The following KCNG2 variants were observed in gnomAD, a reference collection of about 807,000 sequenced individuals.
KCNG2 encodes the protein potassium voltage-gated channel modifier subfamily G member 2.
A neutral mutation model predicts 12.3 loss-of-function variants in KCNG2; 7 were observed. The ratio of observed to expected loss-of-function variants is 0.57; its 90% CI spans 0.32 to 1.07. The LOEUF (loss-of-function observed/expected upper bound fraction) is 1.07. Among genes scored for constraint, KCNG2 ranks in the 50% least tolerant of loss-of-function variants. KCNG2 has a pLI of 0.04. For missense variants in KCNG2, 703 were observed against 726.0 expected (o/e 0.97, Z 0.36); for synonymous variants, 414 against 351.4 (o/e 1.18, Z -1.99).
At chr18:79,819,294 C>T (rs2087553763) in intron 1 of KCNG2, among the ~76,000 whole-genome samples, 2 of 152,218 alleles carry the variant, frequency 1.3e-5, no homozygotes, top group Admixed American at 6.5e-5. Flanking sequence ...GCGGGCCAGC[C>T]TCAGCCCAGC....
intron 2 of KCNG2, among the ~76,000 whole-genome samples, chr18:79,863,296 C>CTGAA (rs1339739805): frequency 2.6e-5 from 4 of 152,262 alleles, no homozygotes; most frequent in Non-Finnish European, 5.9e-5. Context: ...GGGGTCCGCC[C>CTGAA]TGAAACATCT....
intron 1 of KCNG2, among the ~76,000 whole-genome samples, chr18:79,799,338 G>A (rs180777870): frequency 1.3e-5 from 2 of 152,238 alleles, no homozygotes; most frequent in African/African-American, 2.4e-5. Flanking sequence ...CGGAAGAGGG[G>A]ACCCTCCTCC....
chr18:79,861,373 G>T lies in KCNG2; in HGVS notation c.-40-2255G>T, dbSNP rs139973400. On this transcript the variant is annotated intron_variant, in intron 2 of 3. Coordinates refer to ENST00000316249, the MANE Select transcript of KCNG2 (RefSeq NM_012283.2). ...GGCTCACTGAAACCTCCGTTCCCAG[G>T]TTCAGGCAATTCTCCCTGCCTCAGC... Among the ~76,000 whole-genome samples, 412 of 146,974 alleles carry T rather than the reference G, an allele frequency of 2.8e-3. 2 individuals carry two copies. Among genetic ancestry groups the T allele is most frequent in the African/African-American group, 9.6e-3 (386 of 40,138 alleles).
intron 3 of KCNG2, among the ~76,000 whole-genome samples, chr18:79,896,541 C>T (rs1323256180): frequency 6.6e-6 from 1 of 152,224 alleles, no homozygotes; most frequent in Non-Finnish European, 1.5e-5. Flanking sequence ...TTGGCAAATA[C>T]ATTGCACATA....
At chr18:79,864,337 G>A in intron 3 of KCNG2, 46 bp downstream of exon 3, 1 of 1,406,034 alleles carries the variant, frequency 7.1e-7, no homozygotes. Context: ...AGCTGGGGCT[G>A]GGCTGGGATC....
At chr18:79,868,637 G>A (rs1055024170) in intron 3 of KCNG2, among the ~76,000 whole-genome samples, 1 of 152,204 alleles carries the variant, frequency 6.6e-6, no homozygotes, top group African/African-American at 2.4e-5. Flanking sequence ...TCCAGCTGGG[G>A]GCTGGTGAAG....
intron 3 of KCNG2, among the ~76,000 whole-genome samples, chr18:79,869,012 G>A (rs759169366): frequency 2.0e-5 from 3 of 152,190 alleles, no homozygotes; most frequent in Non-Finnish European, 2.9e-5. Context: ...CACACGGGTC[G>A]GCTTCCACAG....
chr18:79,860,644 T>C (rs1322159891), intron 2 of KCNG2, among the ~76,000 whole-genome samples: 1 of 149,052 alleles, frequency 6.7e-6, no homozygotes, highest in African/African-American at 2.5e-5. Flanking sequence ...GCAACTTTGC[T>C]GAACCCATTC....
intron 1 of KCNG2, among the ~76,000 whole-genome samples, chr18:79,834,511 AAGAC>A (rs1370692161): frequency 1.3e-5 from 2 of 152,180 alleles, no homozygotes; most frequent in Admixed American, 1.3e-4. Flanking sequence ...GAATGAGAAA[AAGAC>A]AGTTTGAGAG....
At chr18:79,858,883 T>A (rs1370541510) in intron 2 of KCNG2, among the ~76,000 whole-genome samples, 1 of 152,258 alleles carries the variant, frequency 6.6e-6, no homozygotes, top group Non-Finnish European at 1.5e-5. Flanking sequence ...GGGAGAAATA[T>A]CTATTCAGAT....
intron 3 of KCNG2, among the ~76,000 whole-genome samples, chr18:79,879,364 T>C (rs1002245725): frequency 2.0e-5 from 3 of 151,974 alleles, no homozygotes; most frequent in African/African-American, 4.8e-5. Context: ...GTGAGGCACA[T>C]TGGGAAAGAA....
At chr18:79,879,167 C>T (rs963538245) in intron 3 of KCNG2, among the ~76,000 whole-genome samples, 1 of 152,200 alleles carries the variant, frequency 6.6e-6, no homozygotes, top group Non-Finnish European at 1.5e-5. Context: ...CTCCAGCCCC[C>T]ACAGGAGCCA....
At chr18:79,828,556 T>C (rs909147867) in intron 1 of KCNG2, among the ~76,000 whole-genome samples, 1 of 151,414 alleles carries the variant, frequency 6.6e-6, no homozygotes, top group African/African-American at 2.4e-5. Flanking sequence ...TCTGTGTGTC[T>C]ATCTGTGTGC....
Position 79,813,096 on chromosome 18 carries a change from G to A in KCNG2, c.-115+15082G>A, listed in dbSNP as rs543411435. ...CTTGAACCCAGGAGGGGGAGGTTGC[G>A]GTGAGCCGAGATCGCGCCATTGGAA... On this transcript the variant is annotated intron_variant, in intron 1 of 3. Coordinates refer to ENST00000316249, the MANE Select transcript of KCNG2 (RefSeq NM_012283.2). Among the ~76,000 whole-genome samples, 19 of 152,010 alleles carry A rather than the reference G, an allele frequency of 1.2e-4. No homozygotes were observed. In the South Asian group the frequency reaches 2.9e-3, roughly 23 times the overall value.
chr18:79,849,353 C>T (rs561205913), intron 1 of KCNG2, among the ~76,000 whole-genome samples: 81 of 152,356 alleles, frequency 5.3e-4, no homozygotes, highest in Non-Finnish European at 9.7e-4. Context: ...GCCCTCCCAG[C>T]GCTGAGCTTC....
intron 1 of KCNG2, among the ~76,000 whole-genome samples, chr18:79,833,803 G>A (rs1043687277): frequency 6.6e-5 from 10 of 152,258 alleles, no homozygotes; most frequent in Non-Finnish European, 1.5e-4. Flanking sequence ...GAGTTTGTGT[G>A]TGTTCAAGCT....
chr18:79,855,092 C>T (rs1262187559), intron 1 of KCNG2, among the ~76,000 whole-genome samples: 1 of 149,752 alleles, frequency 6.7e-6, no homozygotes, highest in African/African-American at 2.5e-5. Context: ...TTTTTAATTC[C>T]TTCGTTCATT....
intron 1 of KCNG2, among the ~76,000 whole-genome samples, chr18:79,808,005 T>C (rs372285331): frequency 8.8e-4 from 56 of 63,698 alleles, no homozygotes; most frequent in East Asian, 4.9e-3. Context: ...GAGTCCGCGC[T>C]CTGAGGAGCT....
intron 3 of KCNG2, among the ~76,000 whole-genome samples, chr18:79,872,440 C>T (rs147998451): frequency 8.3e-4 from 126 of 152,124 alleles, no homozygotes; most frequent in African/African-American, 2.9e-3. Flanking sequence ...TGCACCACCA[C>T]GCCCAGCTAA....
Sources: allele counts gnomAD v4.1 joint callset (sites outside exome capture counted in the v4.1 genomes callset), GRCh38; gene constraint gnomAD v4.1.1; transcripts MANE v1.5; gene names NCBI Gene and HGNC (gene_info 2026-07-23, HGNC 2026-07-21).